The following LPO variants were observed in gnomAD, a reference collection of about 807,000 sequenced individuals.
LPO encodes salivary peroxidase.
LPO carries 70 observed loss-of-function variants against 68.4 expected under a neutral mutation model. The observed-to-expected ratio is 1.02, with a 90% CI of 0.84 to 1.25. LPO has a LOEUF of 1.25. Ranked by LOEUF, LPO falls within the 50% of genes most tolerant of loss-of-function variation. The probability of loss-of-function intolerance (pLI) is 0.00; values close to 1 mark genes in which losing one functional copy is unlikely to be tolerated. For missense variants in LPO, 873 were observed against 908.4 expected (o/e 0.96, Z 0.50); for synonymous variants, 360 against 357.6 (o/e 1.01, Z -0.08).
In LPO at chr17:58,249,633, G is replaced by T. The variant is rs756162415; in HGVS notation, c.511G>T (p.Gly171Trp). The change falls in exon 6 of 13, where the codon GGG (glycine) becomes TGG (tryptophan). Residue 171 changes from glycine (G) to tryptophan (W), a missense_variant. By Grantham distance (184) the Gly-to-Trp change is radical. Coordinates refer to ENST00000262290, the MANE Select transcript of LPO (RefSeq NM_006151.3). ...CTGGCTGCCCGCGGAGTACGAGGAC[G>T]GGCTCTCCCTGCCCTTCGGCTGGAC... The part of the protein sequence containing the change: ...ARWLPAEYED[G>W]LSLPFGWTPG... 27 of 1,601,380 alleles carry T rather than the reference G, an allele frequency of 1.7e-5. No homozygotes were observed. Among genetic ancestry groups the T allele is most frequent in the Non-Finnish European group, 2.1e-5 (25 of 1,178,582 alleles).
Position 58,267,847 on chromosome 17 carries a change from G to C in LPO, c.1992G>C (p.Met664Ile), listed in dbSNP as rs1970303119. 1.2e-6 allele frequency: 2 copies of C among 1,614,162 alleles called. No individual in the cohort carries two copies. The highest frequency in any genetic ancestry group is 1.7e-6 in the Non-Finnish European group (2 of 1,180,030). ...TNEQKDSLQK[M>I]SFSRLVCDNT... ...AGCAGAAGGACTCTCTACAGAAAAT[G>C]TCCTTCTCACGCCTTGTCTGTGACA... Residue 664 changes from methionine to isoleucine, a missense_variant, in exon 13 of 13, where the codon ATG becomes ATC. Transcript: ENST00000262290.
intron 3 of LPO, chr17:58,244,491 T>C: frequency 5.3e-6 from 1 of 189,740 alleles, no homozygotes; most frequent in South Asian, 1.3e-4. Context: ...GCAGGTGACA[T>C]ATTAGGGGAA....
chr17:58,266,518 C>T (rs8178403), intron 11 of LPO, among the ~76,000 whole-genome samples, 192 bp downstream of exon 11: 3,657 of 152,014 alleles, frequency 0.024, 152 homozygotes, highest in African/African-American at 0.083. Context: ...TAGAGTACAG[C>T]GGTGCGATCA....
Position 58,266,281 on chromosome 17 carries a change from C to G in LPO, c.1648C>G (p.Leu550Val). Reference protein sequence around the residue: ...QPTHRIHGFDLAAINTQRCRD... With the variant: ...QPTHRIHGFDVAAINTQRCRD... Reference sequence around the variant, plus strand: ...AACTCACAGGATCCATGGCTTTGACCTGGCTGCCATCAACACACAGCGTTG... The same window carrying G: ...AACTCACAGGATCCATGGCTTTGACGTGGCTGCCATCAACACACAGCGTTG... Residue 550 changes from leucine to valine, a missense_variant, in exon 11 of 13, where the codon CTG becomes GTG. Transcript: ENST00000262290. The G allele has an allele frequency of 6.2e-7, 1 of 1,614,146 alleles. No homozygotes were observed. The highest frequency in any genetic ancestry group is 8.5e-7 in the Non-Finnish European group (1 of 1,180,034).
Position 58,243,980 on chromosome 17 carries a change from A to G in LPO, c.77-14A>G, listed in dbSNP as rs766169421. On this transcript the variant is annotated splice_polypyrimidine_tract_variant and intron_variant, in intron 2 of 12. Coordinates refer to ENST00000262290, the MANE Select transcript of LPO (RefSeq NM_006151.3). The stretch of plus-strand genomic sequence containing the variant: ...TCTGACACCCTACTTCCTGCTCCCC[A>G]CTCCAACCCCAAGCGCAGACTACCA... 1.9e-6 allele frequency: 3 copies of G among 1,602,384 alleles called. No individual in the cohort carries two copies. The South Asian group carries it at 3.3e-5, about 18-fold the overall frequency.
chr17:58,256,096 T>C (rs1039617471), intron 9 of LPO, among the ~76,000 whole-genome samples: 1 of 152,214 alleles, frequency 6.6e-6, no homozygotes, highest in African/African-American at 2.4e-5. Context: ...CATGGAATTA[T>C]GCAACATGTA....
chr17:58,256,686 C>T (rs1185687794), intron 9 of LPO, among the ~76,000 whole-genome samples: 6 of 151,788 alleles, frequency 4.0e-5, no homozygotes, highest in East Asian at 3.9e-4. Context: ...TGGTGGCATG[C>T]GCCTGTAGTC....
chr17:58,246,282 C>T (rs886402291), intron 3 of LPO, among the ~76,000 whole-genome samples: 1 of 152,142 alleles, frequency 6.6e-6, no homozygotes, highest in East Asian at 1.9e-4. Context: ...AGAGGTGTGT[C>T]GCCCCAGGGT....
At chr17:58,248,299 G>A (rs1375335522) in intron 4 of LPO, among the ~76,000 whole-genome samples, 1 of 152,154 alleles carries the variant, frequency 6.6e-6, no homozygotes, top group Admixed American at 6.5e-5. Flanking sequence ...AAATTCCAAA[G>A]CTCCAAAAGA....
At chr17:58,253,159 A>G (rs1969997630) in intron 8 of LPO, among the ~76,000 whole-genome samples, 2 of 152,088 alleles carry the variant, frequency 1.3e-5, no homozygotes, top group South Asian at 4.2e-4. Context: ...TCTATCACAG[A>G]TACAGTTCTA....
At chr17:58,267,230 T>C (rs1970284201) in intron 11 of LPO, 119 bp from the exon 12 acceptor site, 1 of 694,800 alleles carries the variant, frequency 1.4e-6, no homozygotes, top group African/African-American at 1.8e-5. Flanking sequence ...TCCTTCCCCA[T>C]CCCAAAGGCT....
intron 9 of LPO, among the ~76,000 whole-genome samples, chr17:58,256,154 C>T (rs1242700682): frequency 6.6e-6 from 1 of 152,132 alleles, no homozygotes; most frequent in African/African-American, 2.4e-5. Context: ...GAGGCTCATC[C>T]ATGCTGTTGT....
chr17:58,245,249 G>C (rs1293225749), intron 3 of LPO, among the ~76,000 whole-genome samples: 1 of 152,128 alleles, frequency 6.6e-6, no homozygotes, highest in Non-Finnish European at 1.5e-5. Context: ...CTCTTTCTGG[G>C]GCTCCTCCTT....
In LPO at chr17:58,254,895, TAA is replaced by T. The variant is rs1325001960; in HGVS notation, c.1192_1193del (p.Lys398GlufsTer29). ...GAGCATAACCGGCTGGCCAGAGAACTAAAGAGACTCAACCCTCAGTGGGATGG... is the reference window on the plus strand; with the variant it reads ...GAGCATAACCGGCTGGCCAGAGAACTAGAGACTCAACCCTCAGTGGGATGG... On this transcript the variant is annotated frameshift_variant, in exon 9 of 13. Coordinates refer to ENST00000262290, the MANE Select transcript of LPO (RefSeq NM_006151.3). LOFTEE classifies it high-confidence loss of function. 1.9e-6 allele frequency: 3 copies of T among 1,614,096 alleles called. No homozygotes were observed. The South Asian group carries it at 3.3e-5, about 18-fold the overall frequency.
intron 4 of LPO, among the ~76,000 whole-genome samples, chr17:58,247,930 C>T (rs147688406): frequency 1.1e-3 from 170 of 152,334 alleles, no homozygotes; most frequent in Admixed American, 3.2e-3. Flanking sequence ...TGTAAGGCCT[C>T]TGCCCAAAGG....
chr17:58,262,673 G>A (rs755531578), intron 9 of LPO, among the ~76,000 whole-genome samples: 4 of 152,206 alleles, frequency 2.6e-5, no homozygotes, highest in Admixed American at 6.5e-5. Flanking sequence ...GATTGCAGGC[G>A]TGAGCCACCA....
rs73329684 is a variant in LPO at position 58,245,616 on chromosome 17, G to A, written c.164+1535G>A. Among the ~76,000 whole-genome samples the A allele has an allele frequency of 3.6e-3, 543 of 152,136 alleles. 7 individuals carry two copies. The highest frequency in any genetic ancestry group is 0.012 in the African/African-American group (515 of 41,488). On this transcript the variant is annotated intron_variant, in intron 3 of 12. Transcript: ENST00000262290. ...GATTCCAGATTCCGCCCCTCTCTCC[G>A]TGCTCTCAGGACACTGCTCTTCAGG...
At chr17:58,254,180 G>GATAGATAGAT (rs1567819942) in intron 8 of LPO, among the ~76,000 whole-genome samples, 1 of 151,164 alleles carries the variant, frequency 6.6e-6, no homozygotes, top group East Asian at 1.9e-4. Flanking sequence ...TAGATAGATA[G>GATAGATAGAT]ATAGATAGAT....
chr17:58,267,352 A>C lies in LPO; in HGVS notation c.1697A>C (p.Tyr566Ser). 1 of 1,613,516 alleles carries C rather than the reference A, an allele frequency of 6.2e-7. No homozygotes were observed. Among genetic ancestry groups the C allele is most frequent in the Non-Finnish European group, 8.5e-7 (1 of 1,179,454 alleles). Residue 566 changes from tyrosine to serine, a missense_variant, in exon 12 of 13, where the codon TAC becomes TCC. Tyr to Ser is a moderately radical substitution (Grantham distance 144). Coordinates refer to ENST00000262290, the MANE Select transcript of LPO (RefSeq NM_006151.3). The stretch of plus-strand genomic sequence containing the variant: ...AGCCTCAGTCTCTCCACCCTAGGGT[A>C]CAATTCCTGGAGAGCCTTCTGTGAC... ...QRCRDHGQPG[Y>S]NSWRAFCDLS...
Sources: allele counts gnomAD v4.1 joint callset (sites outside exome capture counted in the v4.1 genomes callset), GRCh38; gene constraint gnomAD v4.1.1; transcripts MANE v1.5; gene names NCBI Gene and HGNC (gene_info 2026-07-23, HGNC 2026-07-21).